ANKRD44: variants seen among roughly 807,000 people sequenced by gnomAD.
ANKRD44 encodes the protein ankyrin repeat domain 44, also known as serine/threonine-protein phosphatase 6 regulatory ankyrin repeat subunit B.
ANKRD44 carries 35 observed loss-of-function variants against 116.0 expected under a neutral mutation model. That is an observed-to-expected ratio of 0.30 (90% CI 0.23 to 0.40). The LOEUF is 0.40. ANKRD44 is among the 10% of genes least tolerant of loss of function. The pLI, the probability that ANKRD44 is intolerant of heterozygous loss-of-function variation, is 1.00. For synonymous variants in ANKRD44, 435 were observed against 461.8 expected, an observed-to-expected ratio of 0.94 and a Z score of 0.74; for missense variants, 1,014 against 1,242.6, an observed-to-expected ratio of 0.82 and a Z score of 2.77.
intron 4 of ANKRD44, among the ~76,000 whole-genome samples, chr2:197,129,950 C>T (rs1009495826): frequency 9.2e-5 from 14 of 152,190 alleles, no homozygotes; most frequent in Non-Finnish European, 2.1e-4. Flanking sequence ...TGTTATACAA[C>T]TGTCTGTACT....
At chr2:197,278,996 G>A (rs1282461324) in intron 1 of ANKRD44, among the ~76,000 whole-genome samples, 1 of 152,192 alleles carries the variant, frequency 6.6e-6, no homozygotes, top group African/African-American at 2.4e-5. Flanking sequence ...TCCTTTCAAA[G>A]GTTGGGCTCT....
intron 6 of ANKRD44, 147 bp downstream of exon 6, chr2:197,125,234 C>T (rs974276409): frequency 1.3e-5 from 9 of 692,118 alleles, no homozygotes; most frequent in African/African-American, 1.1e-4. Flanking sequence ...ACTATGCATG[C>T]CAGTAAAACC....
At chr2:197,263,255 C>T (rs2082654714) in intron 1 of ANKRD44, 1 of 559,444 alleles carries the variant, frequency 1.8e-6, no homozygotes. Context: ...AGTCTCACGT[C>T]CCCTTACCTC....
intron 3 of ANKRD44, among the ~76,000 whole-genome samples, chr2:197,144,551 T>G (rs1402905959): frequency 1.3e-5 from 2 of 152,144 alleles, no homozygotes; most frequent in Non-Finnish European, 2.9e-5. Context: ...ATAAAATTGC[T>G]AAAAAAGAAA....
intron 9 of ANKRD44, among the ~76,000 whole-genome samples, chr2:197,108,871 C>CAACAAAAAA (rs936579634): frequency 4.6e-5 from 7 of 150,566 alleles, no homozygotes; most frequent in African/African-American, 1.5e-4. Flanking sequence ...ACAACAACAA[C>CAACAAAAAA]AAAAACACAA....
At chr2:197,252,598 G>T (rs928342567) in intron 1 of ANKRD44, among the ~76,000 whole-genome samples, 5 of 152,014 alleles carry the variant, frequency 3.3e-5, no homozygotes, top group African/African-American at 7.2e-5. Context: ...AGTAGAGACG[G>T]GGTTTCACCG....
intron 4 of ANKRD44, chr2:197,133,947 C>CTTTTTTTTTTTTTTTTTTTT (rs60432411): frequency 1.8e-5 from 1 of 56,460 alleles, no homozygotes; most frequent in African/African-American, 4.8e-5. Context: ...CTTTTTCTTT[C>CTTTTTTTTTTTTTTTTTTTT]TTTTTTTTTT....
intron 16 of ANKRD44, among the ~76,000 whole-genome samples, chr2:197,068,873 T>C (rs2077499262): frequency 6.6e-6 from 1 of 152,204 alleles, no homozygotes. Flanking sequence ...GTTCAACCAT[T>C]GTGGAAGACA....
intron 1 of ANKRD44, among the ~76,000 whole-genome samples, chr2:197,277,280 C>G: frequency 6.6e-6 from 1 of 152,056 alleles, no homozygotes; most frequent in East Asian, 1.9e-4. Context: ...GCACCAAGCC[C>G]TTCCCTAGCC....
At chr2:197,073,238 G>A (rs2077596920) in intron 16 of ANKRD44, among the ~76,000 whole-genome samples, 1 of 152,144 alleles carries the variant, frequency 6.6e-6, no homozygotes, top group South Asian at 2.1e-4. Flanking sequence ...GTTTACAATT[G>A]TCCCTCTCTT....
chr2:197,295,293 T>C (rs946394606), intron 1 of ANKRD44, among the ~76,000 whole-genome samples: 2 of 152,174 alleles, frequency 1.3e-5, no homozygotes, highest in African/African-American at 4.8e-5. Context: ...TGGCAAATTT[T>C]TTCCTGTAAA....
In ANKRD44 at chr2:197,000,497, T is replaced by C; in HGVS notation, c.2441A>G (p.Asn814Ser). The C allele has an allele frequency of 6.2e-7, 1 of 1,613,840 alleles. No homozygotes were observed. Among genetic ancestry groups the C allele is most frequent in the Non-Finnish European group, 8.5e-7 (1 of 1,179,740 alleles). Residue 814 changes from asparagine to serine, a missense_variant, in exon 23 of 28, where the codon AAT becomes AGT. Physicochemically the swap from Asn to Ser is conservative, Grantham distance 46. Coordinates refer to ENST00000282272, the MANE Select transcript of ANKRD44 (RefSeq NM_001195144.2). ...CAATGATGCACAATTCCCATGATCA[T>C]TGATTCTAAAATGAAAATGGGTTTT... ...PFTPLHCAII[N>S]DHGNCASLLL...
intron 9 of ANKRD44, among the ~76,000 whole-genome samples, chr2:197,102,444 G>A (rs1321320441): frequency 1.3e-5 from 2 of 152,176 alleles, no homozygotes; most frequent in Non-Finnish European, 2.9e-5. Flanking sequence ...CACAGTATGA[G>A]AGGCACTTTT....
chr2:197,233,290 T>C (rs1431316100), intron 1 of ANKRD44, among the ~76,000 whole-genome samples: 1 of 152,234 alleles, frequency 6.6e-6, no homozygotes, highest in Non-Finnish European at 1.5e-5. Flanking sequence ...GAATAAAATA[T>C]GCAAGAGCGT....
intron 1 of ANKRD44, among the ~76,000 whole-genome samples, chr2:197,187,337 T>G (rs2080703157): frequency 6.6e-6 from 1 of 152,158 alleles, no homozygotes; most frequent in Non-Finnish European, 1.5e-5. Context: ...GTCTCTAACC[T>G]GAACTATGAA....
intron 1 of ANKRD44, among the ~76,000 whole-genome samples, chr2:197,248,595 G>T (rs13007787): frequency 1.2e-3 from 151 of 121,196 alleles, no homozygotes; most frequent in Non-Finnish European, 1.7e-3. Context: ...TATATATAAA[G>T]AGAGAGATTG....
intron 1 of ANKRD44, among the ~76,000 whole-genome samples, chr2:197,265,322 C>T (rs1205943144): frequency 6.6e-6 from 1 of 151,622 alleles, no homozygotes; most frequent in Admixed American, 6.6e-5. Flanking sequence ...TCTCAGCTCA[C>T]TGCAACCTCT....
chr2:197,006,561 A>G (rs565152300), intron 20 of ANKRD44, among the ~76,000 whole-genome samples: 1 of 152,212 alleles, frequency 6.6e-6, no homozygotes, highest in African/African-American at 2.4e-5. Context: ...TCCATCCCTC[A>G]CTCTATTCAC....
intron 16 of ANKRD44, among the ~76,000 whole-genome samples, chr2:197,041,547 C>A (rs1379941910): frequency 1.3e-5 from 2 of 152,196 alleles, no homozygotes; most frequent in African/African-American, 2.4e-5. Context: ...CTAATGCCAG[C>A]AATTGCCTCT....
Sources: allele counts gnomAD v4.1 joint callset (sites outside exome capture counted in the v4.1 genomes callset), GRCh38; gene constraint gnomAD v4.1.1; transcripts MANE v1.5; gene names NCBI Gene and HGNC (gene_info 2026-07-23, HGNC 2026-07-21).